THSD4: variants seen among roughly 807,000 people sequenced by gnomAD.
THSD4 encodes thrombospondin type 1 domain containing 4, also known as thrombospondin type-1 domain-containing protein 4.
THSD4 carries 69 observed loss-of-function variants against 119.0 expected under a neutral mutation model. The observed-to-expected ratio is 0.58, with a 90% CI of 0.48 to 0.71. THSD4 has a LOEUF of 0.71. Ranked by LOEUF, THSD4 falls within the 30% of genes least tolerant of loss-of-function variation. The pLI is 0.00. For synonymous variants in THSD4, 524 were observed against 540.4 expected (o/e 0.97, Z 0.42); for missense variants, 1,393 against 1,391.1 (o/e 1.00, Z -0.02).
At chr15:71,685,595 C>T (rs2051891185) in intron 8 of THSD4, among the ~76,000 whole-genome samples, 1 of 152,092 alleles carries the variant, frequency 6.6e-6, no homozygotes, top group Non-Finnish European at 1.5e-5. Context: ...ATATCTGCTT[C>T]TCCAATCTAT....
At chr15:71,771,234 G>A in intron 17 of THSD4, 26 bp downstream of exon 17, 2 of 1,611,706 alleles carry the variant, frequency 1.2e-6, no homozygotes, top group Non-Finnish European at 1.7e-6. Context: ...AATCATGGGG[G>A]AAAGGTTTGT....
At chr15:71,326,807 A>T (rs2045351898) in intron 6 of THSD4, among the ~76,000 whole-genome samples, 1 of 142,296 alleles carries the variant, frequency 7.0e-6, no homozygotes, top group East Asian at 2.1e-4. Flanking sequence ...CCCAAGATTG[A>T]GGCTGCAGTG....
At chr15:71,608,429 T>C (rs2050159480) in intron 7 of THSD4, among the ~76,000 whole-genome samples, 1 of 152,156 alleles carries the variant, frequency 6.6e-6, no homozygotes. Flanking sequence ...CCCACATTAT[T>C]ACAAATTCTC....
At chr15:71,735,709 GCT>G (rs1491348932) in intron 10 of THSD4, among the ~76,000 whole-genome samples, 1 of 127,196 alleles carries the variant, frequency 7.9e-6, no homozygotes, top group Non-Finnish European at 1.7e-5. Context: ...TGTCTCTCTT[GCT>G]CTCTGTCTCT....
intron 6 of THSD4, among the ~76,000 whole-genome samples, chr15:71,332,730 C>T (rs952550344): frequency 4.6e-5 from 7 of 151,966 alleles, no homozygotes; most frequent in Non-Finnish European, 1.0e-4. Context: ...AGAATTATGC[C>T]TGATATGCAG....
At chr15:71,359,764 C>T (rs1252384138) in intron 6 of THSD4, among the ~76,000 whole-genome samples, 1 of 152,164 alleles carries the variant, frequency 6.6e-6, no homozygotes, top group Non-Finnish European at 1.5e-5. Flanking sequence ...GAGCCAAGAT[C>T]TTGCCACTGC....
In THSD4 at chr15:71,652,640, T is replaced by C. The variant is rs552712464; in HGVS notation, c.1153-7890T>C. Among the ~76,000 whole-genome samples, 53 of 152,322 alleles carry C rather than the reference T, an allele frequency of 3.5e-4. 1 individual carries two copies. Among genetic ancestry groups the C allele is most frequent in the African/African-American group, 1.2e-3 (49 of 41,574 alleles). On this transcript the variant is annotated intron_variant, in intron 7 of 17. Transcript: ENST00000261862. The stretch of plus-strand genomic sequence containing the variant: ...GATATGTTTACCTCTCGGGACTCCT[T>C]TCTTCAGATTTGTAAACATAGCTGC...
chr15:71,120,460 C>T (rs922277989), intron 1 of THSD4, among the ~76,000 whole-genome samples: 8 of 152,282 alleles, frequency 5.3e-5, no homozygotes, highest in African/African-American at 1.9e-4. Context: ...CCCATTAGCC[C>T]TGCTTCTCTA....
chr15:71,144,828 T>C (rs1038335105), intron 2 of THSD4, among the ~76,000 whole-genome samples: 5 of 152,186 alleles, frequency 3.3e-5, no homozygotes, highest in South Asian at 4.1e-4. Flanking sequence ...GGAATTATCA[T>C]TGAATCTTGG....
chr15:71,501,603 G>A (rs1191948132), intron 7 of THSD4, among the ~76,000 whole-genome samples: 1 of 152,206 alleles, frequency 6.6e-6, no homozygotes, highest in African/African-American at 2.4e-5. Flanking sequence ...CTGAGTTGAT[G>A]GAATAATCCA....
intron 2 of THSD4, among the ~76,000 whole-genome samples, chr15:71,153,334 A>G (rs2040744374): frequency 6.6e-6 from 1 of 152,172 alleles, no homozygotes; most frequent in Admixed American, 6.5e-5. Context: ...TGAGTGAGGG[A>G]TGGCGCGCAC....
intron 3 of THSD4, among the ~76,000 whole-genome samples, chr15:71,193,612 CT>C (rs1405555015): frequency 6.6e-6 from 1 of 152,178 alleles, no homozygotes; most frequent in Non-Finnish European, 1.5e-5. Flanking sequence ...TTCCCACGTG[CT>C]GTGGGAGGGA....
chr15:71,281,245 C>A (rs548648913), intron 6 of THSD4, among the ~76,000 whole-genome samples: 1 of 152,202 alleles, frequency 6.6e-6, no homozygotes, highest in Non-Finnish European at 1.5e-5. Flanking sequence ...TATTGTTCTG[C>A]GCATTCATGC....
intron 14 of THSD4, among the ~76,000 whole-genome samples, chr15:71,757,153 G>A (rs2053553484): frequency 6.6e-6 from 1 of 152,070 alleles, no homozygotes; most frequent in Non-Finnish European, 1.5e-5. Context: ...AGGAGGGGCT[G>A]GGTCACTTGC....
At chr15:71,292,018 G>A (rs2044798889) in intron 6 of THSD4, among the ~76,000 whole-genome samples, 1 of 152,172 alleles carries the variant, frequency 6.6e-6, no homozygotes, top group Admixed American at 6.5e-5. Context: ...GGGAAGTATT[G>A]TTTTAGCTTC....
At chr15:71,313,728 A>G (rs949281538) in intron 6 of THSD4, among the ~76,000 whole-genome samples, 2 of 152,156 alleles carry the variant, frequency 1.3e-5, no homozygotes, top group East Asian at 1.9e-4. Context: ...ATTTTTTCAT[A>G]CTTACCCCTC....
chr15:71,137,895 A>G (rs917866555), intron 1 of THSD4, among the ~76,000 whole-genome samples: 1 of 152,240 alleles, frequency 6.6e-6, no homozygotes, highest in Non-Finnish European at 1.5e-5. Context: ...TTTTGTTACT[A>G]TCAGCAGTAA....
intron 6 of THSD4, among the ~76,000 whole-genome samples, chr15:71,362,970 TAA>T (rs11287381): frequency 0.33 from 44,068 of 134,836 alleles, 8,077 homozygotes; most frequent in Middle Eastern, 0.45. Flanking sequence ...GCTGATGAGC[TAA>T]AAAAAAAAAA....
intron 8 of THSD4, among the ~76,000 whole-genome samples, chr15:71,696,018 G>C (rs1230998158): frequency 6.6e-6 from 1 of 152,160 alleles, no homozygotes; most frequent in African/African-American, 2.4e-5. Flanking sequence ...ATGTGCCTGG[G>C]GCACAGAGAG....
Sources: gnomAD v4.1 joint callset for allele counts (sites outside exome capture counted in the v4.1 genomes callset) on GRCh38, gnomAD v4.1.1 for gene constraint, MANE v1.5 for transcripts, NCBI Gene and HGNC (gene_info 2026-07-23, HGNC 2026-07-21) for gene names.